Variants in CNTNAP2 observed in about 807,000 individuals in gnomAD.
CNTNAP2 encodes the protein contactin-associated protein-like 2.
A neutral mutation model predicts 155.2 loss-of-function variants in CNTNAP2; 98 were observed. The observed-to-expected ratio is 0.63, with a 90% confidence interval of 0.54 to 0.75. The LOEUF is 0.75. Among genes scored for constraint, CNTNAP2 ranks in the 30% least tolerant of loss-of-function variants. CNTNAP2 has a pLI of 0.00. For synonymous variants in CNTNAP2, 651 were observed against 631.2 expected, an observed-to-expected ratio of 1.03 and a Z score of -0.47; for missense variants, 1,727 against 1,688.1, an observed-to-expected ratio of 1.02 and a Z score of -0.40.
At chr7:147,026,882 A>G (rs1315539413) in intron 3 of CNTNAP2, among the ~76,000 whole-genome samples, 5 of 148,786 alleles carry the variant, frequency 3.4e-5, no homozygotes, top group Non-Finnish European at 7.4e-5. Flanking sequence ...GGCTAACAAA[A>G]CCCATTGCTT....
intron 1 of CNTNAP2, among the ~76,000 whole-genome samples, chr7:146,318,162 T>C (rs1800941666): frequency 1.3e-5 from 2 of 151,704 alleles, no homozygotes; most frequent in South Asian, 4.2e-4. Flanking sequence ...AAAGATGAAA[T>C]TAACATTTTT....
chr7:146,611,496 A>G (rs1799136175), intron 1 of CNTNAP2, among the ~76,000 whole-genome samples: 2 of 152,212 alleles, frequency 1.3e-5, no homozygotes, highest in Non-Finnish European at 2.9e-5. Context: ...ATAATATTAT[A>G]TAAAATTTGC....
At chr7:148,348,721 C>A (rs562396981) in intron 21 of CNTNAP2, among the ~76,000 whole-genome samples, 1 of 152,190 alleles carries the variant, frequency 6.6e-6, no homozygotes, top group Non-Finnish European at 1.5e-5. Flanking sequence ...AGCCACACCC[C>A]CTGAAGCAGA....
At chr7:146,612,043 AT>A (rs1799146968) in intron 1 of CNTNAP2, among the ~76,000 whole-genome samples, 1 of 152,208 alleles carries the variant, frequency 6.6e-6, no homozygotes, top group South Asian at 2.1e-4. Context: ...CAATAAAAAT[AT>A]TTTTGTTACA....
chr7:146,903,212 T>C (rs765855616), intron 3 of CNTNAP2, among the ~76,000 whole-genome samples: 9 of 152,176 alleles, frequency 5.9e-5, no homozygotes, highest in Non-Finnish European at 1.0e-4. Flanking sequence ...ATATCGGACC[T>C]TGAGGGGTTG....
intron 1 of CNTNAP2, among the ~76,000 whole-genome samples, chr7:146,726,149 T>A (rs1801427694): frequency 6.6e-6 from 1 of 152,200 alleles, no homozygotes. Context: ...ACATTTAAGG[T>A]ATTCTCTACA....
intron 13 of CNTNAP2, among the ~76,000 whole-genome samples, chr7:147,721,734 T>C (rs1055716610): frequency 4.6e-5 from 7 of 152,076 alleles, no homozygotes; most frequent in Non-Finnish European, 1.0e-4. Flanking sequence ...AAATTAAGTA[T>C]GAAATTCAGG....
intron 4 of CNTNAP2, among the ~76,000 whole-genome samples, chr7:147,096,263 C>T (rs1306201031): frequency 6.6e-6 from 1 of 152,192 alleles, no homozygotes; most frequent in Non-Finnish European, 1.5e-5. Flanking sequence ...CATAATACAA[C>T]TCCAAATCAA....
chr7:146,907,185 G>A (rs1009564889), intron 3 of CNTNAP2, among the ~76,000 whole-genome samples: 2 of 152,206 alleles, frequency 1.3e-5, no homozygotes, highest in Middle Eastern at 3.4e-3. Context: ...TGGTGTACCT[G>A]AAAATGATGT....
chr7:148,390,795 A>G (rs1361021949), intron 22 of CNTNAP2, among the ~76,000 whole-genome samples: 1 of 152,214 alleles, frequency 6.6e-6, no homozygotes, highest in Non-Finnish European at 1.5e-5. Context: ...TTACACTTCT[A>G]TAACAAACAC....
At chr7:146,631,314 T>C (rs1314930094) in intron 1 of CNTNAP2, among the ~76,000 whole-genome samples, 2 of 152,154 alleles carry the variant, frequency 1.3e-5, no homozygotes, top group East Asian at 1.9e-4. Flanking sequence ...ATCGACCACA[T>C]TGAAATAATT....
At chr7:146,146,375 C>A (rs907424830) in intron 1 of CNTNAP2, among the ~76,000 whole-genome samples, 2 of 151,960 alleles carry the variant, frequency 1.3e-5, no homozygotes. Context: ...ATAGGAAGTT[C>A]GCCATTTATT....
intron 13 of CNTNAP2, among the ~76,000 whole-genome samples, chr7:147,818,172 T>G (rs922923267): frequency 5.9e-5 from 9 of 152,286 alleles, no homozygotes; most frequent in Non-Finnish European, 1.3e-4. Context: ...GTAGGCATCC[T>G]TATTTTATCA....
intron 1 of CNTNAP2, among the ~76,000 whole-genome samples, chr7:146,188,980 A>T (rs1798662393): frequency 6.6e-6 from 1 of 152,154 alleles, no homozygotes; most frequent in Non-Finnish European, 1.5e-5. Flanking sequence ...TTTGTGATAA[A>T]CTAATTAGAG....
chr7:146,944,951 G>A (rs10251453), intron 3 of CNTNAP2, among the ~76,000 whole-genome samples: 151,315 of 152,310 alleles, frequency 0.99, 75,168 homozygotes, highest in East Asian at 1. Context: ...GTCTCAAGGT[G>A]GTGGGGTTAT....
At chr7:147,614,858 C>T (rs1330398765) in intron 12 of CNTNAP2, among the ~76,000 whole-genome samples, 1 of 151,550 alleles carries the variant, frequency 6.6e-6, no homozygotes, top group African/African-American at 2.4e-5. Context: ...ATTTCTGGTG[C>T]CTTTTCTTAA....
chr7:146,860,162 A>G (rs1440192183), intron 3 of CNTNAP2, among the ~76,000 whole-genome samples: 2 of 152,354 alleles, frequency 1.3e-5, no homozygotes, highest in East Asian at 1.9e-4. Context: ...ATGGATATAT[A>G]TAGACTCCAC....
intron 1 of CNTNAP2, among the ~76,000 whole-genome samples, chr7:146,235,041 C>G (rs1799448631): frequency 6.6e-6 from 1 of 151,934 alleles, no homozygotes. Context: ...TGTTTATAGG[C>G]CTAGGAAAGT....
At chr7:148,278,590 C>G (rs962097671) in intron 21 of CNTNAP2, among the ~76,000 whole-genome samples, 1 of 138,116 alleles carries the variant, frequency 7.2e-6, no homozygotes, top group African/African-American at 2.8e-5. Context: ...AAAAAAAAAG[C>G]CTGAGCAAAG....
Sources: allele counts gnomAD v4.1 joint callset (sites outside exome capture counted in the v4.1 genomes callset), GRCh38; gene constraint gnomAD v4.1.1; transcripts MANE v1.5; gene names NCBI Gene and HGNC (gene_info 2026-07-23, HGNC 2026-07-21).